Variants in BST2 observed in about 807,000 individuals in gnomAD.
BST2 encodes bone marrow stromal antigen 2.
A neutral mutation model predicts 18.6 loss-of-function variants in BST2; 10 were observed. The ratio of observed to expected loss-of-function variants is 0.54; its 90% CI spans 0.33 to 0.91. The LOEUF (loss-of-function observed/expected upper bound fraction) is 0.91. Ranked by LOEUF, BST2 falls within the 40% of genes least tolerant of loss-of-function variation. The pLI, the probability that BST2 is intolerant of heterozygous loss-of-function variation, is 0.02. For missense variants in BST2, 183 were observed against 228.4 expected, an observed-to-expected ratio of 0.80 and a Z score of 1.28; for synonymous variants, 75 against 96.8, an observed-to-expected ratio of 0.77 and a Z score of 1.32.
Position 17,403,011 on chromosome 19 carries a change from C to G in BST2, c.*331G>C. 16 of 985,112 alleles carry G rather than the reference C, an allele frequency of 1.6e-5. No homozygotes were observed. Among genetic ancestry groups the G allele is most frequent in the Non-Finnish European group, 1.9e-5 (16 of 829,854 alleles). 61.0% of individuals were successfully genotyped at this position (985,112 alleles called of 1,614,324 possible). On this transcript the variant is annotated 3_prime_UTR_variant, in exon 5 of 5. Coordinates refer to ENST00000252593, the MANE Select transcript of BST2 (RefSeq NM_004335.4). ...AGACCCCAGAAAAAAGCAACCCCCC[C>G]CGCAAAAAAAACCCATAACAACAGG...
At chr19:17,403,988 T>C (rs1014997837) in intron 3 of BST2, 141 bp downstream of exon 3, 1 of 1,325,468 alleles carries the variant, frequency 7.5e-7, no homozygotes, top group African/African-American at 1.5e-5. Flanking sequence ...GGGGCTAAGT[T>C]ATCCTTTTGT....
intron 4 of BST2, 45 bp from the exon 5 acceptor site, chr19:17,403,371 A>G (rs919267): frequency 0.9 from 1,001,535 of 1,108,118 alleles, 456,169 homozygotes; most frequent in Non-Finnish European, 0.93. Context: ...GAGGCAGCAG[A>G]CACTGGCCCC....
chr19:17,403,626 G>GCCCCCCCTC, intron 4 of BST2, 54 bp downstream of exon 4: 1 of 1,381,206 alleles, frequency 7.2e-7, no homozygotes. Flanking sequence ...CTGCTTCCCC[G>GCCCCCCCTC]CCCCGCTTCC....
At chr19:17,403,420 A>T (rs918703933) in intron 4 of BST2, 94 bp from the exon 5 acceptor site, 1 of 700,190 alleles carries the variant, frequency 1.4e-6, no homozygotes, top group African/African-American at 2.8e-5. Flanking sequence ...CCATCGCTAG[A>T]CCCGCCCCAC....
chr19:17,403,071 A>G lies in BST2; in HGVS notation c.*271T>C, dbSNP rs997559461. ...CCCCCCACACCGCACCCCATGCCCA[A>G]TCTCAGGGTGGGAGACAAGAGGGGG... On this transcript the variant is annotated 3_prime_UTR_variant, in exon 5 of 5. Coordinates refer to ENST00000252593, the MANE Select transcript of BST2 (RefSeq NM_004335.4). 1 of 984,428 alleles carries G rather than the reference A, an allele frequency of 1.0e-6. No homozygotes were observed. The highest frequency in any genetic ancestry group is 4.7e-5 in the South Asian group (1 of 21,216). 61.0% of individuals were successfully genotyped at this position (984,428 alleles called of 1,614,324 possible). A position where few individuals can be genotyped will look rare whatever the true frequency, so the allele number is the denominator to read the frequency against.
intron 4 of BST2, 93 bp downstream of exon 4, chr19:17,403,587 G>A (rs1373609885): frequency 8.8e-6 from 13 of 1,470,350 alleles, no homozygotes; most frequent in Non-Finnish European, 1.2e-5. Context: ...CCCTTCCCCT[G>A]CAGCCTCTCT....
Position 17,403,054 on chromosome 19 carries a change from A to T in BST2, c.*288T>A. ...ACAACAGGCAGCACATGCCCCCCACACCGCACCCCATGCCCAATCTCAGGG... is the reference window on the plus strand; with the variant it reads ...ACAACAGGCAGCACATGCCCCCCACTCCGCACCCCATGCCCAATCTCAGGG... On this transcript the variant is annotated 3_prime_UTR_variant, in exon 5 of 5. Transcript: ENST00000252593. 2 of 982,278 alleles carry T rather than the reference A, an allele frequency of 2.0e-6. No individual in the cohort carries two copies. Among genetic ancestry groups the T allele is most frequent in the South Asian group, 4.7e-5 (1 of 21,100 alleles). 60.8% of individuals were successfully genotyped at this position (982,278 alleles called of 1,614,324 possible). A position where few individuals can be genotyped will look rare whatever the true frequency, so the allele number is the denominator to read the frequency against.
chr19:17,404,298 G>T (rs2074713504), intron 2 of BST2, 73 bp downstream of exon 2: 1 of 1,527,228 alleles, frequency 6.5e-7, no homozygotes, highest in Admixed American at 1.7e-5. Context: ...TCCAGCCCTG[G>T]TCTCCCTGCC....
chr19:17,405,277 G>C lies in BST2; in HGVS notation c.285+14C>G. The C allele has an allele frequency of 6.2e-7, 1 of 1,600,342 alleles. No homozygotes were observed. The highest frequency in any genetic ancestry group is 8.5e-7 in the Non-Finnish European group (1 of 1,172,770). On this transcript the variant is annotated intron_variant, in intron 1 of 4. Coordinates refer to ENST00000252593, the MANE Select transcript of BST2 (RefSeq NM_004335.4). ...GCCTAGTACTAGGCCATCCAAAGGA[G>C]TTGAGGAGCTTACCACAGTGTGGTT... is the stretch of plus-strand genomic sequence containing the variant.
chr19:17,404,005 C>A, intron 3 of BST2, 124 bp downstream of exon 3: 1 of 1,355,966 alleles, frequency 7.4e-7, no homozygotes, highest in East Asian at 2.5e-5. Context: ...TTGTGGGACT[C>A]AAACTTTATC....
At chr19:17,404,481 C>T (rs1253294941) in intron 1 of BST2, 44 bp from the exon 2 acceptor site, 6 of 1,613,602 alleles carry the variant, frequency 3.7e-6, no homozygotes, top group Non-Finnish European at 5.1e-6. Flanking sequence ...GGGAGTTTGG[C>T]TGCTGCCCCT....
At chr19:17,405,189 T>G in intron 1 of BST2, 102 bp downstream of exon 1, 1 of 1,401,986 alleles carries the variant, frequency 7.1e-7, no homozygotes, top group Non-Finnish European at 9.5e-7. Flanking sequence ...GGACCTCCCC[T>G]GCATCTCCCT....
chr19:17,403,880 C>G (rs2145744943), intron 3 of BST2, 56 bp from the exon 4 acceptor site: 1 of 1,580,896 alleles, frequency 6.3e-7, no homozygotes, highest in Non-Finnish European at 8.6e-7. Flanking sequence ...GCCGCCCTCC[C>G]TGTAAGCCCA....
chr19:17,404,896 C>T (rs2074716935), intron 1 of BST2, among the ~76,000 whole-genome samples: 3 of 152,138 alleles, frequency 2.0e-5, no homozygotes, highest in African/African-American at 7.2e-5. Context: ...TCAAAAGCCC[C>T]CTTTTTCAGG....
Position 17,403,080 on chromosome 19 carries a change from T to C in BST2, c.*262A>G. 2.0e-6 allele frequency: 2 copies of C among 981,676 alleles called. No individual in the cohort carries two copies. Among genetic ancestry groups the C allele is most frequent in the Non-Finnish European group, 2.4e-6 (2 of 829,324 alleles). 60.8% of individuals were successfully genotyped at this position (981,676 alleles called of 1,614,324 possible). On this transcript the variant is annotated 3_prime_UTR_variant, in exon 5 of 5. Coordinates refer to ENST00000252593, the MANE Select transcript of BST2 (RefSeq NM_004335.4). ...CCGCACCCCATGCCCAATCTCAGGG[T>C]GGGAGACAAGAGGGGGGACTCATTG... is the stretch of plus-strand genomic sequence containing the variant.
rs1160161417 is a variant in BST2, at chr19:17,403,700, G to A, written c.538C>T (p.Gln180Ter). 1.1e-5 allele frequency: 18 copies of A among 1,612,356 alleles called. No homozygotes were observed. The highest frequency in any genetic ancestry group is 1.5e-5 in the Non-Finnish European group (18 of 1,179,826). The stretch of plus-strand genomic sequence containing the variant: ...CTGACCAGCTTCCTGGGATCTCACT[G>A]CAGCAGAGCGCTGAGGCCCAGCAGC... ...IVLLGLSALL[Q>*] The change falls in exon 4 of 5, where the codon CAG (glutamine) becomes TAG (stop). Residue 180 changes from glutamine to a stop codon, truncating the protein, a stop_gained. Coordinates refer to ENST00000252593, the MANE Select transcript of BST2 (RefSeq NM_004335.4). LOFTEE classifies it high-confidence loss of function.
chr19:17,404,636 A>G (rs892612289), intron 1 of BST2, 199 bp from the exon 2 acceptor site: 1 of 689,670 alleles, frequency 1.4e-6, no homozygotes, highest in African/African-American at 1.8e-5. Context: ...GCCACCCATA[A>G]GCATGTGGGT....
At position 17,404,403 on chromosome 19, in the gene BST2, G is replaced by A; in HGVS notation, c.320C>T (p.Ala107Val). The A allele has an allele frequency of 6.2e-7, 1 of 1,613,748 alleles. No individual in the cohort carries two copies. The highest frequency in any genetic ancestry group is 1.7e-5 in the Admixed American group (1 of 59,962). The change falls in exon 2 of 5, where the codon GCC becomes GTC. Residue 107 changes from alanine (A) to valine (V), a missense_variant. Coordinates refer to ENST00000252593, the MANE Select transcript of BST2 (RefSeq NM_004335.4). ...ALMASLDAEK[A>V]QGQKKVEELE... ...CTCCTCCACTTTCTTTTGTCCTTGG[G>A]CCTTCTCTGCATCCAGGGAAGCCAT...
At chr19:17,404,253 C>G (rs1368282519) in intron 2 of BST2, 64 bp from the exon 3 acceptor site, 3 of 1,569,922 alleles carry the variant, frequency 1.9e-6, no homozygotes, top group East Asian at 4.5e-5. Context: ...GGGCCCTGCT[C>G]CACTCTGGGA....
Sources: gnomAD v4.1 joint callset for allele counts (sites outside exome capture counted in the v4.1 genomes callset) on GRCh38, gnomAD v4.1.1 for gene constraint, MANE v1.5 for transcripts, NCBI Gene and HGNC (gene_info 2026-07-23, HGNC 2026-07-21) for gene names.